The following OR51B5 variants were observed in gnomAD, a reference collection of about 807,000 sequenced individuals.
The protein encoded by OR51B5 is olfactory receptor family 51 subfamily B member 5, also known as olfactory receptor 51B5.
For synonymous variants in OR51B5, 186 were observed against 144.8 expected, an observed-to-expected ratio of 1.28 and a Z score of -2.04; for missense variants, 456 against 374.6, an observed-to-expected ratio of 1.22 and a Z score of -1.79.
chr11:5,441,310 C>G (rs772637819), intron 1 of OR51B5: 10 of 1,613,716 alleles, frequency 6.2e-6, no homozygotes, highest in Admixed American at 5.0e-5. Flanking sequence ...TCATTGAGAG[C>G]GAGCATAGAG....
intron 1 of OR51B5, among the ~76,000 whole-genome samples, chr11:5,448,263 T>C (rs16931158): frequency 0.091 from 13,872 of 152,280 alleles, 903 homozygotes; most frequent in African/African-American, 0.18. Flanking sequence ...TAGGTTAGAT[T>C]GTGACTGATC....
chr11:5,458,426 G>A (rs1212214602), intron 1 of OR51B5, among the ~76,000 whole-genome samples: 5 of 152,142 alleles, frequency 3.3e-5, no homozygotes, highest in East Asian at 1.9e-4. Flanking sequence ...GTTTAGGAAC[G>A]CTTTGGCTCT....
chr11:5,375,404 A>G, intron 1 of OR51B5, among the ~76,000 whole-genome samples: 1 of 147,520 alleles, frequency 6.8e-6, no homozygotes, highest in Non-Finnish European at 1.5e-5. Context: ...GACCATCAAG[A>G]CTAGGAAGAA....
At chr11:5,467,578 G>A (rs1564823213) in intron 1 of OR51B5, among the ~76,000 whole-genome samples, 1 of 152,162 alleles carries the variant, frequency 6.6e-6, no homozygotes, top group Admixed American at 6.6e-5. Flanking sequence ...AATCTGTTAA[G>A]TGTGCACCTG....
chr11:5,342,526 G>GCTCTCCTGCTAAATATTAGAGTTTT, downstream of OR51B5: 2 of 1,515,460 alleles, frequency 1.3e-6, no homozygotes, highest in Middle Eastern at 1.8e-4. Context: ...AGACTTCTTT[G>GCTCTCCTGCTAAATATTAGAGTTTT]CTCTCCTGCT....
rs778867452 is a variant in OR51B5, at chr11:5,390,338, G to A, written n.85-43428C>T. 112 of 1,611,578 alleles carry A rather than the reference G, an allele frequency of 6.9e-5. No homozygotes were observed. Among genetic ancestry groups the A allele is most frequent in the Non-Finnish European group, 9.2e-5 (109 of 1,178,756 alleles). On this transcript the variant is annotated intron_variant and non_coding_transcript_variant, in intron 1 of 4. Coordinates refer to the OR51B5 transcript ENST00000415970. ...CATTAAGACCAAGGAGATCCACCGT[G>A]CCATTATCAAGTTCCTAGGTCTTAA...
At chr11:5,358,116 G>T (rs1018724522) in intron 1 of OR51B5, among the ~76,000 whole-genome samples, 1 of 151,658 alleles carries the variant, frequency 6.6e-6, no homozygotes. Context: ...TCAAATGCTA[G>T]CAGAAGGCAA....
chr11:5,401,969 T>A (rs956139090), intron 1 of OR51B5, among the ~76,000 whole-genome samples: 5 of 151,120 alleles, frequency 3.3e-5, no homozygotes, highest in Non-Finnish European at 7.4e-5. Context: ...CCTTCCTTCT[T>A]TCCTCCTTCC....
upstream of OR51B5, among the ~76,000 whole-genome samples, chr11:5,344,976 C>G (rs368598246): frequency 2.0e-5 from 3 of 152,188 alleles, no homozygotes; most frequent in East Asian, 5.8e-4. Context: ...AAAAGAAAAC[C>G]TGACCGTATA....
intron 1 of OR51B5, among the ~76,000 whole-genome samples, chr11:5,350,634 A>C (rs1564915414): frequency 6.6e-6 from 1 of 152,120 alleles, no homozygotes; most frequent in Non-Finnish European, 1.5e-5. Flanking sequence ...ACCAATTTTT[A>C]TTTTTGCATC....
chr11:5,361,457 G>T (rs2133698028), intron 1 of OR51B5, among the ~76,000 whole-genome samples: 1 of 152,258 alleles, frequency 6.6e-6, no homozygotes, highest in South Asian at 2.1e-4. Context: ...AGGCTTAGGG[G>T]TTCATAGTCA....
chr11:5,387,075 A>G (rs1419172099), intron 1 of OR51B5, among the ~76,000 whole-genome samples: 14 of 152,096 alleles, frequency 9.2e-5, no homozygotes, highest in Admixed American at 5.9e-4. Flanking sequence ...TGTATAAGTA[A>G]TAATAATAAT....
chr11:5,448,897 C>G (rs1334488715), intron 1 of OR51B5, among the ~76,000 whole-genome samples: 1 of 152,112 alleles, frequency 6.6e-6, no homozygotes, highest in Non-Finnish European at 1.5e-5. Context: ...CTGAATGTGA[C>G]CAGAAAATTT....
intron 1 of OR51B5, chr11:5,389,461 C>A: frequency 6.2e-7 from 1 of 1,613,928 alleles, no homozygotes; most frequent in Non-Finnish European, 8.5e-7. Context: ...CTCAGTTTAG[C>A]CCCATATTCT....
intron 1 of OR51B5, chr11:5,488,642 T>C: frequency 9.0e-7 from 1 of 1,105,858 alleles, no homozygotes; most frequent in East Asian, 2.4e-5. Flanking sequence ...ATCAACCAAA[T>C]ATCTGATGTT....
At chr11:5,471,945 G>A (rs2133801722) in intron 1 of OR51B5, among the ~76,000 whole-genome samples, 1 of 152,272 alleles carries the variant, frequency 6.6e-6, no homozygotes, top group Middle Eastern at 3.4e-3. Context: ...GATAAAGAGG[G>A]ACATTGAGGG....
At chr11:5,403,887 T>C (rs1252419071) in intron 1 of OR51B5, among the ~76,000 whole-genome samples, 2 of 152,176 alleles carry the variant, frequency 1.3e-5, no homozygotes, top group East Asian at 1.9e-4. Context: ...GGGAAATCTA[T>C]TGAGCCCTCT....
intron 1 of OR51B5, among the ~76,000 whole-genome samples, chr11:5,413,047 G>C (rs567652863): frequency 8.6e-5 from 13 of 150,972 alleles, no homozygotes; most frequent in South Asian, 4.2e-4. Flanking sequence ...CAGTAGGGCA[G>C]ACTGACACCT....
At chr11:5,417,082 A>G (rs987528079) in intron 1 of OR51B5, among the ~76,000 whole-genome samples, 8 of 151,688 alleles carry the variant, frequency 5.3e-5, no homozygotes, top group African/African-American at 1.7e-4. Context: ...AAACAGAGAT[A>G]TAGATCAATG....
Sources: gnomAD v4.1 joint callset for allele counts (sites outside exome capture counted in the v4.1 genomes callset) on GRCh38, gnomAD v4.1.1 for gene constraint, MANE v1.5 for transcripts, NCBI Gene and HGNC (gene_info 2026-07-23, HGNC 2026-07-21) for gene names.